Variants in SH2D3C observed in about 807,000 individuals in gnomAD.
SH2D3C encodes the protein SH2 domain-containing protein 3C.
In SH2D3C, 25 loss-of-function variants were observed where a neutral mutation model predicts 75.2. The ratio of observed to expected loss-of-function variants is 0.33; its 90% confidence interval spans 0.24 to 0.46. The LOEUF is 0.46. SH2D3C is among the 20% of genes least tolerant of loss of function. The probability of loss-of-function intolerance (pLI) is 1.00; values close to 1 mark genes in which losing one functional copy is unlikely to be tolerated. For synonymous variants in SH2D3C, 450 were observed against 473.7 expected (o/e 0.95, Z 0.65); for missense variants, 933 against 1,165.3 (o/e 0.80, Z 2.90).
chr9:127,764,613 A>C (rs1845598398), intron 2 of SH2D3C, among the ~76,000 whole-genome samples: 1 of 149,022 alleles, frequency 6.7e-6, no homozygotes. Flanking sequence ...CCCCCACCCC[A>C]CCTCAGGGTC....
chr9:127,744,427 G>C, intron 7 of SH2D3C, 137 bp downstream of exon 7: 1 of 1,135,822 alleles, frequency 8.8e-7, no homozygotes, highest in Non-Finnish European at 1.2e-6. Flanking sequence ...CAGAGTCACA[G>C]AGCAGGCAAA....
chr9:127,762,260 C>T (rs557113529), intron 2 of SH2D3C: 258 of 1,237,146 alleles, frequency 2.1e-4, no homozygotes, highest in Admixed American at 3.3e-4. Flanking sequence ...AGGCCAGAGA[C>T]GGCTGTTTTT....
rs921931910 is a variant in SH2D3C, at chr9:127,774,556, A to G, written c.38-89T>C. ...ACAATTCCTGCAGTTTCACTCGGTG[A>G]GGGGCTGAAGAGGGCTGGCGGTTTC... On this transcript the variant is annotated intron_variant, in intron 1 of 11. Transcript: ENST00000314830. The surrounding 1 kb of genome is among the most constrained non-coding windows in gnomAD (Gnocchi z 4.3). The G allele has an allele frequency of 2.7e-6, 2 of 747,146 alleles. No individual in the cohort carries two copies. The highest frequency in any genetic ancestry group is 1.7e-5 in the African/African-American group (1 of 57,970). 46.3% of individuals were successfully genotyped at this position (747,146 alleles called of 1,614,324 possible). A position where few individuals can be genotyped will look rare whatever the true frequency, so the allele number is the denominator to read the frequency against.
At position 127,741,877 on chromosome 9, in the gene SH2D3C, T is replaced by C. The variant is rs1844867967; in HGVS notation, c.1999A>G (p.Lys667Glu). Reference protein sequence around the residue: ...SAEERAALLHKTIQLAAELRG... With the variant: ...SAEERAALLHETIQLAAELRG... Reference sequence around the variant, plus strand: ...AGCTCGGCCGCCAGCTGAATGGTCTTGTGCAGCAGCGCTGCCCGCTCCTCC... The same window carrying C: ...AGCTCGGCCGCCAGCTGAATGGTCTCGTGCAGCAGCGCTGCCCGCTCCTCC... Residue 667 changes from lysine (K) to glutamate (E), a missense_variant, in exon 9 of 12, where the codon AAG becomes GAG. Coordinates refer to ENST00000314830, the MANE Select transcript of SH2D3C (RefSeq NM_170600.3). 1 of 1,613,248 alleles carries C rather than the reference T, an allele frequency of 6.2e-7. No homozygotes were observed. Among genetic ancestry groups the C allele is most frequent in the Non-Finnish European group, 8.5e-7 (1 of 1,180,000 alleles).
At position 127,774,683 on chromosome 9, in the gene SH2D3C, T is replaced by C. The variant is rs1422171544; in HGVS notation, c.38-216A>G. On this transcript the variant is annotated intron_variant, in intron 1 of 11. Transcript: ENST00000314830. This position sits in a 1 kb window ranked among gnomAD's most constrained non-coding sequence, Gnocchi z 4.3. ...GGACTTGAATTCCTGCTCTTTCACA[T>C]CCTAGCTGTGTGACCTTAGGCAAGT... Among the ~76,000 whole-genome samples the C allele has an allele frequency of 2.0e-5, 3 of 152,166 alleles. No homozygotes were observed.
chr9:127,744,875 G>A lies in SH2D3C; in HGVS notation c.1489C>T (p.Gln497Ter). 6.2e-7 allele frequency: 1 copy of A among 1,613,864 alleles called. No individual in the cohort carries two copies. Among genetic ancestry groups the A allele is most frequent in the Non-Finnish European group, 8.5e-7 (1 of 1,179,878 alleles). Residue 497 changes from glutamine (Q) to a stop codon, truncating the protein, a stop_gained, in exon 7 of 12, where the codon CAG becomes TAG. Transcript: ENST00000314830. LOFTEE classifies it high-confidence loss of function. ...CTGCCACGCACGGGAGGCTGGAGCT[G>A]GCAGTAGTGGCCAGAGTCCGGGTCA... ...YSDPDSGHYC[Q>*]LQPPVRGSRE...
rs142856456 is a variant in SH2D3C, at chr9:127,739,815, G to A, written c.2274C>T (p.Ala758=). 5.7e-6 allele frequency: 9 copies of A among 1,589,152 alleles called. No individual in the cohort carries two copies. Among genetic ancestry groups the A allele is most frequent in the Middle Eastern group, 1.8e-4 (1 of 5,650 alleles). Residue 758 remains alanine, a synonymous_variant, in exon 11 of 12, where the codon GCC becomes GCT. Coordinates refer to ENST00000314830, the MANE Select transcript of SH2D3C (RefSeq NM_170600.3). This position sits in a 1 kb window ranked among gnomAD's most constrained non-coding sequence, Gnocchi z 4.3. ...PLITLLECDS[A]PPEGPEPWGS... is the part of the protein sequence containing the mutation. The stretch of plus-strand genomic sequence containing the variant: ...CCCAGGGCTCAGGGCCCTCTGGTGG[G>A]GCCGAGTCACACTCCAGCAGGGTGA...
Position 127,774,457 on chromosome 9 carries a change from C to A in SH2D3C, c.48G>T (p.Lys16Asn). ...TGGAGAGACTCCCAAAGCCCTTGAA[C>A]TTGAAGAACTCTAGCAGAGGGGAAG... ...KKTSKKFKFF[K>N]FKGFGSLSNL... is the part of the protein sequence containing the mutation. The change falls in exon 2 of 12, where the codon AAG becomes AAT. Residue 16 changes from lysine to asparagine, a missense_variant. Lys to Asn is a moderately conservative substitution (Grantham distance 94). Coordinates refer to ENST00000314830, the MANE Select transcript of SH2D3C (RefSeq NM_170600.3). This position sits in a 1 kb window ranked among gnomAD's most constrained non-coding sequence, Gnocchi z 4.3. 1 of 1,518,824 alleles carries A rather than the reference C, an allele frequency of 6.6e-7. No homozygotes were observed. The highest frequency in any genetic ancestry group is 9.1e-7 in the Non-Finnish European group (1 of 1,093,768). 94.1% of individuals were successfully genotyped at this position (1,518,824 alleles called of 1,614,324 possible).
In SH2D3C at chr9:127,749,735, A is replaced by G; in HGVS notation, c.685-70T>C. On this transcript the variant is annotated intron_variant, in intron 4 of 11. Coordinates refer to ENST00000314830, the MANE Select transcript of SH2D3C (RefSeq NM_170600.3). This position sits in a 1 kb window ranked among gnomAD's most constrained non-coding sequence, Gnocchi z 5.9. ...GGGTCAGACCCAGGATCTGGGGGACAGAGCAACCCAGGATTAGGGGGCACA... is the reference window on the plus strand; with the variant it reads ...GGGTCAGACCCAGGATCTGGGGGACGGAGCAACCCAGGATTAGGGGGCACA... 1.1e-5 allele frequency: 11 copies of G among 972,626 alleles called. No individual in the cohort carries two copies. Among genetic ancestry groups the G allele is most frequent in the Non-Finnish European group, 1.6e-5 (10 of 640,356 alleles). 60.2% of individuals were successfully genotyped at this position (972,626 alleles called of 1,614,324 possible).
At chr9:127,769,474 C>A (rs1396354832) in intron 2 of SH2D3C, among the ~76,000 whole-genome samples, 4 of 151,620 alleles carry the variant, frequency 2.6e-5, no homozygotes, top group Non-Finnish European at 5.9e-5. Context: ...GAAACTACGG[C>A]TCTACTAAAA....
chr9:127,740,128 C>A, intron 10 of SH2D3C, 130 bp downstream of exon 10: 1 of 825,672 alleles, frequency 1.2e-6, no homozygotes, highest in Non-Finnish European at 1.9e-6. Context: ...CAGCTGCCAG[C>A]AGGAACAGTG....
chr9:127,751,159 G>A lies in SH2D3C; in HGVS notation c.684+13C>T, dbSNP rs150089080. ...AGGGTCCCGGGTTGAAGTCCAGCTCGGGGCCTACTCACCTCTCGGGGGATG... is the reference window on the plus strand; with the variant it reads ...AGGGTCCCGGGTTGAAGTCCAGCTCAGGGCCTACTCACCTCTCGGGGGATG... On this transcript the variant is annotated intron_variant, in intron 4 of 11. Transcript: ENST00000314830. The surrounding 1 kb of genome is among the most constrained non-coding windows in gnomAD (Gnocchi z 4.1). 1.2e-4 allele frequency: 187 copies of A among 1,612,928 alleles called. 2 individuals are homozygous for A. In the African/African-American group the frequency reaches 1.8e-3, roughly 15 times the overall value.
chr9:127,748,753 A>G (rs1845107978), intron 5 of SH2D3C, among the ~76,000 whole-genome samples: 2 of 152,224 alleles, frequency 1.3e-5, no homozygotes, highest in African/African-American at 4.8e-5. Context: ...AAATTTGCTG[A>G]GAACATCCCA....
At chr9:127,742,722 A>G (rs1357189183) in intron 8 of SH2D3C, 127 bp downstream of exon 8, 2 of 630,620 alleles carry the variant, frequency 3.2e-6, no homozygotes, top group Admixed American at 5.7e-5. Flanking sequence ...GGTCAATGGG[A>G]TGGGAGGCGT....
Position 127,745,102 on chromosome 9 carries a change from G to A in SH2D3C, c.1265-3C>T, listed in dbSNP as rs756473394. ...AGGGGCGGCATGGACACGGGTTACT[G>A]CAGAAAGGTAGAGAGAGAGGCCCCG... is the stretch of plus-strand genomic sequence containing the variant. On this transcript the variant is annotated splice_polypyrimidine_tract_variant and splice_region_variant and intron_variant, in intron 6 of 11. Coordinates refer to ENST00000314830, the MANE Select transcript of SH2D3C (RefSeq NM_170600.3). The A allele has an allele frequency of 3.3e-6, 5 of 1,497,426 alleles. No homozygotes were observed. Among genetic ancestry groups the A allele is most frequent in the South Asian group, 2.8e-5 (2 of 72,060 alleles). 92.8% of individuals were successfully genotyped at this position (1,497,426 alleles called of 1,614,324 possible).
intron 1 of SH2D3C, among the ~76,000 whole-genome samples, chr9:127,777,186 G>A (rs1387351010): frequency 6.6e-6 from 1 of 152,122 alleles, no homozygotes; most frequent in Non-Finnish European, 1.5e-5. Flanking sequence ...TGCCCTTTAC[G>A]CCACATGTCC....
At chr9:127,755,221 C>T in intron 3 of SH2D3C, 1 of 1,178,348 alleles carries the variant, frequency 8.5e-7, no homozygotes, top group Non-Finnish European at 1.1e-6. Flanking sequence ...GGGGCAGGGG[C>T]GCAGGGACCA....
At chr9:127,773,859 A>C (rs1301829238) in intron 2 of SH2D3C, 131 bp downstream of exon 2, 2 of 608,452 alleles carry the variant, frequency 3.3e-6, no homozygotes, top group African/African-American at 1.9e-5. Context: ...CAGAGGTTGC[A>C]GTGAACCGGG....
chr9:127,775,803 C>G (rs1845800247), intron 1 of SH2D3C, among the ~76,000 whole-genome samples: 1 of 152,042 alleles, frequency 6.6e-6, no homozygotes, highest in Admixed American at 6.5e-5. Flanking sequence ...GGGCAAGAGC[C>G]TGTCTCTAAT....
Sources: gnomAD v4.1 joint callset for allele counts (sites outside exome capture counted in the v4.1 genomes callset) on GRCh38, gnomAD v4.1.1 for gene constraint, Gnocchi (gnomAD v3.1) non-coding constraint, MANE v1.5 for transcripts, NCBI Gene and HGNC (gene_info 2026-07-23, HGNC 2026-07-21) for gene names.